Variants in ATP13A4 observed in about 807,000 individuals in gnomAD.
The protein encoded by ATP13A4 is probable cation-transporting ATPase 13A4.
In ATP13A4, 114 loss-of-function variants were observed where a neutral mutation model predicts 142.5. That is an observed-to-expected ratio of 0.80 (90% CI 0.69 to 0.93). The LOEUF (loss-of-function observed/expected upper bound fraction) is 0.93, where lower values mean the gene tolerates loss of function less well. Ranked by LOEUF, ATP13A4 falls within the 40% of genes least tolerant of loss-of-function variation. ATP13A4 has a pLI of 0.00. For missense variants in ATP13A4, 1,392 were observed against 1,454.0 expected (o/e 0.96, Z 0.69); for synonymous variants, 488 against 514.8 (o/e 0.95, Z 0.70).
At chr3:193,582,453 A>G (rs1317103000) in intron 1 of ATP13A4, among the ~76,000 whole-genome samples, 3 of 146,912 alleles carry the variant, frequency 2.0e-5, no homozygotes, top group East Asian at 3.9e-4. Context: ...GGCCATATGT[A>G]TACTTTAATA....
intron 28 of ATP13A4, 134 bp downstream of exon 28, chr3:193,410,848 A>AT (rs946644395): frequency 4.8e-5 from 31 of 639,778 alleles, no homozygotes; most frequent in Admixed American, 8.8e-5. Context: ...TAAATTTAGC[A>AT]TTTTTTTTAG....
intron 17 of ATP13A4, among the ~76,000 whole-genome samples, chr3:193,453,787 C>G (rs778941940): frequency 6.6e-6 from 1 of 152,002 alleles, no homozygotes; most frequent in East Asian, 1.9e-4. Flanking sequence ...AATTCTGAAA[C>G]GCTGATTATA....
At chr3:193,428,415 A>G (rs1715787062) in intron 25 of ATP13A4, among the ~76,000 whole-genome samples, 2 of 152,276 alleles carry the variant, frequency 1.3e-5, no homozygotes, top group South Asian at 4.1e-4. Context: ...TAGAAATACC[A>G]TTTGACCCAG....
At chr3:193,459,019 A>T (rs774843514) in intron 14 of ATP13A4, 62 bp downstream of exon 14, 1 of 1,595,692 alleles carries the variant, frequency 6.3e-7, no homozygotes, top group South Asian at 1.1e-5. Flanking sequence ...TAGCTCTGAT[A>T]TTGCCTATGT....
At position 193,470,876 on chromosome 3, in the gene ATP13A4, T is replaced by G. The variant is rs911184125; in HGVS notation, c.926A>C (p.Asp309Ala). The change falls in exon 9 of 30, where the codon GAT becomes GCT. Residue 309 changes from aspartate (D) to alanine (A), a missense_variant. Physicochemically the swap from Asp to Ala is moderately radical, Grantham distance 126. Transcript: ENST00000342695. The part of the protein sequence containing the change: ...AVLIEGSCVV[D>A]EGMLTGESIP... ...AACTGTACCTGTCAGCATGCCTTCA[T>G]CCACCACACAGCTGCCTTCAATCAG... is the stretch of plus-strand genomic sequence containing the variant. 2 of 1,614,062 alleles carry G rather than the reference T, an allele frequency of 1.2e-6. No homozygotes were observed. The highest frequency in any genetic ancestry group is 8.5e-7 in the Non-Finnish European group (1 of 1,180,024).
rs1577022689 is a variant in ATP13A4 at position 193,496,295 on chromosome 3, G to A, written c.382-3135C>T. On this transcript the variant is annotated intron_variant, in intron 3 of 29. Transcript: ENST00000342695. ...ATAGAGCAAAAAGAGCAAAGCTAAA[G>A]GCATCATACTATCTGACTTCAAATT... Among the ~76,000 whole-genome samples, 7 of 152,236 alleles carry A rather than the reference G, an allele frequency of 4.6e-5. No homozygotes were observed. The South Asian group carries it at 1.4e-3, about 32-fold the overall frequency.
intron 1 of ATP13A4, among the ~76,000 whole-genome samples, chr3:193,519,554 A>G (rs1180726282): frequency 1.3e-5 from 2 of 149,358 alleles, no homozygotes; most frequent in Non-Finnish European, 3.0e-5. Flanking sequence ...CAACCATCCT[A>G]TATAATTAAG....
intron 8 of ATP13A4, among the ~76,000 whole-genome samples, chr3:193,473,921 G>T (rs1478356647): frequency 6.6e-6 from 1 of 152,158 alleles, no homozygotes; most frequent in Non-Finnish European, 1.5e-5. Context: ...TGAGACAACT[G>T]GCAAAACACG....
At chr3:193,507,906 G>A (rs949794323) in intron 2 of ATP13A4, among the ~76,000 whole-genome samples, 1 of 152,184 alleles carries the variant, frequency 6.6e-6, no homozygotes, top group African/African-American at 2.4e-5. Flanking sequence ...TAAATAACCT[G>A]CCTGTTATGA....
intron 1 of ATP13A4, among the ~76,000 whole-genome samples, chr3:193,538,496 T>C (rs1166878305): frequency 8.2e-6 from 1 of 122,690 alleles, no homozygotes; most frequent in Non-Finnish European, 1.8e-5. Context: ...AGAATCCACA[T>C]TAAAAAAAAA....
chr3:193,522,887 T>C (rs1031405268), intron 1 of ATP13A4, among the ~76,000 whole-genome samples: 18 of 152,190 alleles, frequency 1.2e-4, no homozygotes, highest in African/African-American at 3.9e-4. Context: ...AACTTCTCTT[T>C]CTGATGATGT....
chr3:193,532,402 A>G (rs1213602147), intron 1 of ATP13A4, among the ~76,000 whole-genome samples: 1 of 147,646 alleles, frequency 6.8e-6, no homozygotes, highest in Non-Finnish European at 1.5e-5. Flanking sequence ...AGCATCTAGT[A>G]TGCAAACTTA....
rs754363627 is a variant in ATP13A4 at position 193,402,805 on chromosome 3, C to G, written c.3438G>C (p.Gln1146His). 2 of 1,614,170 alleles carry G rather than the reference C, an allele frequency of 1.2e-6. No homozygotes were observed. The highest frequency in any genetic ancestry group is 4.5e-5 in the East Asian group (2 of 44,880). ...WMMIKRCFGY[Q>H]SKSQYRIWQR... Reference sequence around the variant, plus strand: ...GCCATATCCGATACTGGCTTTTTGACTGATAGCCGAAACATCTTTTAATCA... The same window carrying G: ...GCCATATCCGATACTGGCTTTTTGAGTGATAGCCGAAACATCTTTTAATCA... Residue 1146 changes from glutamine to histidine, a missense_variant, in exon 30 of 30, where the codon CAG becomes CAC. By Grantham distance (24) the Gln-to-His change is conservative. Coordinates refer to ENST00000342695, the MANE Select transcript of ATP13A4 (RefSeq NM_032279.4).
upstream of ATP13A4, among the ~76,000 whole-genome samples, chr3:193,559,026 T>C (rs149634617): frequency 2.0e-4 from 31 of 152,348 alleles, no homozygotes; most frequent in Non-Finnish European, 2.9e-4. Context: ...ATGGAAATAA[T>C]GGCAGGACCG....
chr3:193,557,782 A>C (rs1323402795), upstream of ATP13A4, among the ~76,000 whole-genome samples: 1 of 152,262 alleles, frequency 6.6e-6, no homozygotes, highest in Non-Finnish European at 1.5e-5. Context: ...CTCTTTGTGA[A>C]GGAAGCATTT....
upstream of ATP13A4, among the ~76,000 whole-genome samples, chr3:193,558,594 A>G (rs559005089): frequency 6.6e-6 from 1 of 152,350 alleles, no homozygotes; most frequent in South Asian, 2.1e-4. Context: ...GTGACAGAGG[A>G]ACTTCAAGTA....
intron 3 of ATP13A4, among the ~76,000 whole-genome samples, chr3:193,498,991 G>A (rs1704760161): frequency 1.3e-5 from 2 of 152,180 alleles, no homozygotes; most frequent in Admixed American, 1.3e-4. Flanking sequence ...AACTAGAAAT[G>A]CAGTTTAAAT....
At chr3:193,432,501 G>A (rs750360727) in intron 25 of ATP13A4, among the ~76,000 whole-genome samples, 11 of 152,016 alleles carry the variant, frequency 7.2e-5, no homozygotes, top group Non-Finnish European at 1.2e-4. Flanking sequence ...GATATCCTTC[G>A]GTAGGTGAAT....
At chr3:193,412,516 C>T in intron 26 of ATP13A4, 145 bp from the exon 27 acceptor site, 1 of 490,638 alleles carries the variant, frequency 2.0e-6, no homozygotes, top group Non-Finnish European at 3.4e-6. Context: ...AACACACACA[C>T]ACACACACAC....
Sources: gnomAD v4.1 joint callset for allele counts (sites outside exome capture counted in the v4.1 genomes callset) on GRCh38, gnomAD v4.1.1 for gene constraint, MANE v1.5 for transcripts, NCBI Gene and HGNC (gene_info 2026-07-23, HGNC 2026-07-21) for gene names.